The following PLEKHG3 variants were observed in gnomAD, a reference collection of about 807,000 sequenced individuals.
The protein encoded by PLEKHG3 is pleckstrin homology domain-containing family G member 3.
A neutral mutation model predicts 94.9 loss-of-function variants in PLEKHG3; 62 were observed. That is an observed-to-expected ratio of 0.65 (90% CI 0.53 to 0.81). The LOEUF is 0.81. PLEKHG3 is among the 30% of genes least tolerant of loss of function. PLEKHG3 has a pLI of 0.00. For synonymous variants in PLEKHG3, 614 were observed against 654.0 expected (o/e 0.94, Z 0.93); for missense variants, 1,461 against 1,619.3 (o/e 0.90, Z 1.68).
At position 64,742,997 on chromosome 14, in the gene PLEKHG3, T is replaced by C. The variant is rs774427582; in HGVS notation, c.2954T>C (p.Val985Ala). ...PLGGKGKRKP[V>A]LSLFDYEQLM... The stretch of plus-strand genomic sequence containing the variant: ...CTCCTCATAGGTAAGAGGAAGCCGG[T>C]GCTGTCTCTATTTGACTATGAGCAG... Residue 985 changes from valine (V) to alanine (A), a missense_variant, in exon 17 of 17, where the codon GTG becomes GCG. Val to Ala is a moderately conservative substitution (Grantham distance 64, BLOSUM62 0). Around this residue, in one of 3 missense-constraint regions of PLEKHG3, gnomAD observed 1,201 missense variants for 1,295.5 expected, o/e 0.93. Transcript: ENST00000247226. 6.2e-7 allele frequency: 1 copy of C among 1,613,332 alleles called. No individual in the cohort carries two copies. Among genetic ancestry groups the C allele is most frequent in the Non-Finnish European group, 8.5e-7 (1 of 1,179,890 alleles).
Position 64,732,420 on chromosome 14 carries a change from C to T in PLEKHG3, c.1213-7C>T, listed in dbSNP as rs540466106. 3.7e-5 allele frequency: 59 copies of T among 1,612,696 alleles called. No individual in the cohort carries two copies. The East Asian group carries it at 1.3e-3, about 35-fold the overall frequency. On this transcript the variant is annotated splice_polypyrimidine_tract_variant and splice_region_variant and intron_variant, in intron 10 of 16. Transcript: ENST00000247226. This position sits in a 1 kb window ranked among gnomAD's most constrained non-coding sequence, Gnocchi z 4.9. The stretch of plus-strand genomic sequence containing the variant: ...GTAATAACCAGGTGTGTTTCCTTCC[C>T]CTTCAGGCCAAGGAAGCCATCTTGG...
Position 64,731,442 on chromosome 14 carries a change from G to C in PLEKHG3, c.931G>C (p.Val311Leu). 2 of 1,613,178 alleles carry C rather than the reference G, an allele frequency of 1.2e-6. No individual in the cohort carries two copies. Among genetic ancestry groups the C allele is most frequent in the Non-Finnish European group, 1.7e-6 (2 of 1,179,118 alleles). Residue 311 changes from valine (V) to leucine (L), a missense_variant, in exon 8 of 17, where the codon GTG (valine) becomes CTG (leucine). Val to Leu is a conservative substitution (Grantham distance 32). Transcript: ENST00000247226. This position sits in a 1 kb window ranked among gnomAD's most constrained non-coding sequence, Gnocchi z 6.1. ...GCTTGTCCTGGAGGGCACATTCCGC[G>C]TGCATCGCGTGCGCAATGAAAGGAC... The part of the protein sequence containing the change: ...GELVLEGTFR[V>L]HRVRNERTFF...
chr14:64,737,499 G>A (rs2081594720), intron 14 of PLEKHG3, 124 bp downstream of exon 14: 2 of 674,738 alleles, frequency 3.0e-6, no homozygotes, highest in Admixed American at 3.0e-5. Context: ...AGCACCCACT[G>A]TGTACCAGGC....
chr14:64,741,707 T>A lies in PLEKHG3; in HGVS notation c.2190T>A (p.His730Gln). 6.2e-7 allele frequency: 1 copy of A among 1,613,058 alleles called. No homozygotes were observed. The highest frequency in any genetic ancestry group is 8.5e-7 in the Non-Finnish European group (1 of 1,180,028). ...IKSYYENAEH[H>Q]DAGFSVRRRE... ...GCTATTATGAAAATGCAGAACACCA[T>A]GATGCAGGCTTCAGCGTCCGTCGCC... is the stretch of plus-strand genomic sequence containing the variant. The change falls in exon 16 of 17, where the codon CAT (histidine) becomes CAA (glutamine). Residue 730 changes from histidine (H) to glutamine (Q), a missense_variant. His to Gln is a conservative substitution (Grantham distance 24, BLOSUM62 0). Transcript: ENST00000247226.
At chr14:64,724,233 G>A (rs954306597) in intron 1 of PLEKHG3, among the ~76,000 whole-genome samples, 4 of 152,086 alleles carry the variant, frequency 2.6e-5, no homozygotes, top group African/African-American at 9.7e-5. Context: ...GCTGAGTGCA[G>A]TGCACTCAGA....
intron 14 of PLEKHG3, among the ~76,000 whole-genome samples, 178 bp downstream of exon 14, chr14:64,737,553 C>A (rs1289040815): frequency 1.3e-5 from 2 of 152,234 alleles, no homozygotes; most frequent in Non-Finnish European, 2.9e-5. Context: ...ATGGGCCTTG[C>A]CCTGGGGGCC....
Position 64,749,256 on chromosome 14 carries a change from T to G in PLEKHG3, c.*5553T>G. On this transcript the variant is annotated 3_prime_UTR_variant, in exon 17 of 17. Coordinates refer to ENST00000247226, the MANE Select transcript of PLEKHG3 (RefSeq NM_001308147.2). The surrounding 1 kb of genome is among the most constrained non-coding windows in gnomAD (Gnocchi z 4.7). ...GGCGAGAGGAGGCCAAGGCCTGGGC[T>G]GCCCGGTCTCTGCGCGTCCCGACTC... 2 of 1,537,642 alleles carry G rather than the reference T, an allele frequency of 1.3e-6. No homozygotes were observed. Among genetic ancestry groups the G allele is most frequent in the Non-Finnish European group, 1.7e-6 (2 of 1,146,706 alleles).
rs2081281600 is a variant in PLEKHG3 at position 64,722,617 on chromosome 14, G to T, written c.-39-4976G>T. On this transcript the variant is annotated intron_variant, in intron 1 of 16. Transcript: ENST00000247226. The surrounding 1 kb of genome is among the most constrained non-coding windows in gnomAD (Gnocchi z 4.3). ...TGGGGACCCTCCTTGCTCGTTTTCT[G>T]CCTGGCTCCAAAGCAGCTGTGGTGC... Among the ~76,000 whole-genome samples the T allele has an allele frequency of 6.6e-6, 1 of 152,176 alleles. No individual in the cohort carries two copies. Among genetic ancestry groups the T allele is most frequent in the African/African-American group, 2.4e-5 (1 of 41,440 alleles).
At chr14:64,740,062 A>G (rs1197129053) in intron 15 of PLEKHG3, among the ~76,000 whole-genome samples, 1 of 152,254 alleles carries the variant, frequency 6.6e-6, no homozygotes, top group African/African-American at 2.4e-5. Flanking sequence ...CAACATAAAA[A>G]GTTACTGATA....
rs1019200472 is a variant in PLEKHG3 at position 64,745,776 on chromosome 14, G to A, written c.*2073G>A. ...GGGCTCTTCAGAGGGTGGGGCCCAG[G>A]AAGTTGTAGTTAACCCCTTCCCCAG... is the stretch of plus-strand genomic sequence containing the variant. On this transcript the variant is annotated 3_prime_UTR_variant, in exon 17 of 17. Coordinates refer to ENST00000247226, the MANE Select transcript of PLEKHG3 (RefSeq NM_001308147.2). This position sits in a 1 kb window ranked among gnomAD's most constrained non-coding sequence, Gnocchi z 5.0. 5.3e-5 allele frequency: 8 copies of A among 152,252 alleles called. No homozygotes were observed. The highest frequency in any genetic ancestry group is 1.3e-4 in the Admixed American group (2 of 15,282). 9.4% of individuals were successfully genotyped at this position (152,252 alleles called of 1,614,324 possible). A position where few individuals can be genotyped will look rare whatever the true frequency, so the allele number is the denominator to read the frequency against.
At position 64,720,342 on chromosome 14, in the gene PLEKHG3, T is replaced by C. The variant is rs142560945; in HGVS notation, c.-39-7251T>C. ...GAGCAGTCATCAATCCTGGCGCTTC[T>C]TGGTTGATCGGAAACTTGCTGGCAG... On this transcript the variant is annotated intron_variant, in intron 1 of 16. Coordinates refer to ENST00000247226, the MANE Select transcript of PLEKHG3 (RefSeq NM_001308147.2). The surrounding 1 kb of genome is among the most constrained non-coding windows in gnomAD (Gnocchi z 4.1). Among the ~76,000 whole-genome samples the C allele has an allele frequency of 0.012, 1,830 of 152,318 alleles. 15 individuals are homozygous for C. The highest frequency in any genetic ancestry group is 0.041 in the Middle Eastern group (12 of 294).
intron 1 of PLEKHG3, among the ~76,000 whole-genome samples, chr14:64,706,562 C>T (rs756110068): frequency 7.9e-5 from 12 of 152,314 alleles, no homozygotes; most frequent in Admixed American, 2.6e-4. Flanking sequence ...CACAGTGGCT[C>T]GGGAGGGAGT....
chr14:64,747,114 T>G lies in PLEKHG3; in HGVS notation c.*3411T>G, dbSNP rs904558001. The stretch of plus-strand genomic sequence containing the variant: ...GGACCTGGGGTGGTGAGATGCTAGC[T>G]CTTCCACTAGAGCCCTTCCTTTCTC... On this transcript the variant is annotated 3_prime_UTR_variant, in exon 17 of 17. Transcript: ENST00000247226. The G allele has an allele frequency of 6.6e-5, 10 of 152,518 alleles. No individual in the cohort carries two copies. Among genetic ancestry groups the G allele is most frequent in the African/African-American group, 1.7e-4 (7 of 41,440 alleles). The allele number at this position is 152,518 out of a possible 1,614,324, so 9.4% of individuals were successfully genotyped here.
chr14:64,718,010 G>A lies in PLEKHG3; in HGVS notation c.-39-9583G>A, dbSNP rs563723999. Among the ~76,000 whole-genome samples, 1 of 152,316 alleles carries A rather than the reference G, an allele frequency of 6.6e-6. No individual in the cohort carries two copies. Among genetic ancestry groups the A allele is most frequent in the African/African-American group, 2.4e-5 (1 of 41,576 alleles). ...CTGGCCTCTTGTTGCCAGTTGCCCGGGGCGTGGGGGTGGTCTGGGTCCTCT... is the reference window on the plus strand; with the variant it reads ...CTGGCCTCTTGTTGCCAGTTGCCCGAGGCGTGGGGGTGGTCTGGGTCCTCT... On this transcript the variant is annotated intron_variant, in intron 1 of 16. Coordinates refer to ENST00000247226, the MANE Select transcript of PLEKHG3 (RefSeq NM_001308147.2). The surrounding 1 kb of genome is among the most constrained non-coding windows in gnomAD (Gnocchi z 5.0).
At position 64,727,154 on chromosome 14, in the gene PLEKHG3, T is replaced by C. The variant is rs1410131573; in HGVS notation, c.-39-439T>C. ...GCTGTATCCATCCTCATTTTACAGGTGAGGAGCTGAGGCTCTGAGGGACTA... is the reference window on the plus strand; with the variant it reads ...GCTGTATCCATCCTCATTTTACAGGCGAGGAGCTGAGGCTCTGAGGGACTA... On this transcript the variant is annotated intron_variant, in intron 1 of 16. Transcript: ENST00000247226. This position sits in a 1 kb window ranked among gnomAD's most constrained non-coding sequence, Gnocchi z 6.0. Among the ~76,000 whole-genome samples the C allele has an allele frequency of 1.3e-5, 2 of 151,900 alleles. No individual in the cohort carries two copies. Among genetic ancestry groups the C allele is most frequent in the Non-Finnish European group, 2.9e-5 (2 of 67,954 alleles).
intron 1 of PLEKHG3, among the ~76,000 whole-genome samples, chr14:64,719,361 G>T (rs952375304): frequency 6.6e-6 from 1 of 152,000 alleles, no homozygotes; most frequent in East Asian, 1.9e-4. Flanking sequence ...CACCATTCTC[G>T]GTGGGCTTAC....
intron 13 of PLEKHG3, chr14:64,737,129 G>A (rs773813503): frequency 1.1e-5 from 7 of 643,764 alleles, no homozygotes; most frequent in East Asian, 2.7e-5. Flanking sequence ...AATGAGAGCC[G>A]AGCAACAGGC....
intron 1 of PLEKHG3, among the ~76,000 whole-genome samples, chr14:64,706,240 C>T (rs1228253637): frequency 2.0e-5 from 3 of 152,156 alleles, no homozygotes; most frequent in Non-Finnish European, 2.9e-5. Context: ...GAGTGCGAGT[C>T]ACTTGGGCTG....
In PLEKHG3 at chr14:64,738,887, A is replaced by C; in HGVS notation, c.1518+32A>C. On this transcript the variant is annotated intron_variant, in intron 15 of 16. Transcript: ENST00000247226. This position sits in a 1 kb window ranked among gnomAD's most constrained non-coding sequence, Gnocchi z 4.8. ...GACCAGCAGGTGGGATGGGGATAGT[A>C]GGAAGAACTTGGAGTCCAGATTTTC... The C allele has an allele frequency of 1.4e-6, 2 of 1,383,488 alleles. No homozygotes were observed. Among genetic ancestry groups the C allele is most frequent in the Non-Finnish European group, 2.0e-6 (2 of 991,882 alleles). 85.7% of individuals were successfully genotyped at this position (1,383,488 alleles called of 1,614,324 possible).
Sources: gnomAD v4.1 joint callset for allele counts (sites outside exome capture counted in the v4.1 genomes callset) on GRCh38, gnomAD v4.1.1 for gene constraint, gnomAD v4.1.1 regional missense constraint, Gnocchi (gnomAD v3.1) non-coding constraint, MANE v1.5 for transcripts, NCBI Gene and HGNC (gene_info 2026-07-23, HGNC 2026-07-21) for gene names.